RYR1: variants seen among roughly 807,000 people sequenced by gnomAD.
RYR1 encodes central core disease of muscle.
Under a neutral mutation model 583.5 loss-of-function variants are expected in RYR1, and 342 were observed. The observed-to-expected ratio is 0.59, with a 90% confidence interval of 0.54 to 0.64. The LOEUF is 0.64. Ranked by LOEUF, RYR1 falls within the 30% of genes least tolerant of loss-of-function variation. RYR1 has a pLI of 0.00. For missense variants in RYR1, 6,032 were observed against 6,917.2 expected (o/e 0.87, Z 4.54); for synonymous variants, 2,791 against 2,822.5 (o/e 0.99, Z 0.35).
rs748172098 is a variant in RYR1 at position 38,561,466 on chromosome 19, C to T, written c.12624+12C>T. On this transcript the variant is annotated intron_variant, in intron 90 of 105. Coordinates refer to ENST00000359596, the MANE Select transcript of RYR1 (RefSeq NM_000540.3). This position sits in a 1 kb window ranked among gnomAD's most constrained non-coding sequence, Gnocchi z 4.8. Reference sequence around the variant, plus strand: ...GGGAGATGCCCCAGGTCAGGGAACCCGCGCGCGTGCAAGCTCGCCTCCTGG... The same window carrying T: ...GGGAGATGCCCCAGGTCAGGGAACCTGCGCGCGTGCAAGCTCGCCTCCTGG... 2.0e-5 allele frequency: 32 copies of T among 1,600,800 alleles called. No homozygotes were observed. The highest frequency in any genetic ancestry group is 2.6e-5 in the Non-Finnish European group (31 of 1,175,940).
At chr19:38,477,052 A>G (rs1367860325) in intron 29 of RYR1, among the ~76,000 whole-genome samples, 6 of 151,986 alleles carry the variant, frequency 3.9e-5, no homozygotes, top group Admixed American at 3.9e-4. Flanking sequence ...AAATAAAAAA[A>G]TAAGGAAAGA....
At chr19:38,497,214 G>A (rs1241322349) in intron 42 of RYR1, among the ~76,000 whole-genome samples, 1 of 152,058 alleles carries the variant, frequency 6.6e-6, no homozygotes, top group Non-Finnish European at 1.5e-5. Context: ...CGGGATGGGG[G>A]CGGATCCGCA....
chr19:38,484,308 A>C (rs1312839651), intron 33 of RYR1, among the ~76,000 whole-genome samples: 1 of 151,834 alleles, frequency 6.6e-6, no homozygotes, highest in Non-Finnish European at 1.5e-5. Flanking sequence ...TAGAATTCTG[A>C]ACGTGGGAGG....
rs988659631 is a variant in RYR1, at chr19:38,565,086, C to T, written c.12752C>T (p.Ser4251Leu). 2 of 1,554,450 alleles carry T rather than the reference C, an allele frequency of 1.3e-6. No individual in the cohort carries two copies. Among genetic ancestry groups the T allele is most frequent in the Admixed American group, 1.9e-5 (1 of 51,898 alleles). ...IFEMQIAAQI[S>L]EPEGEPETDE... Reference sequence around the variant, plus strand: ...GAGATGCAGATCGCCGCGCAGATCTCGGAGCCCGAGGGCGAGCCGGAGACC... The same window carrying T: ...GAGATGCAGATCGCCGCGCAGATCTTGGAGCCCGAGGGCGAGCCGGAGACC... Residue 4251 changes from serine to leucine, a missense_variant, in exon 91 of 106, where the codon TCG becomes TTG. Around this residue, in one of 11 missense-constraint regions of RYR1, gnomAD observed 753 missense variants for 759.6 expected, o/e 0.99. Transcript: ENST00000359596. This position sits in a 1 kb window ranked among gnomAD's most constrained non-coding sequence, Gnocchi z 4.7.
Position 38,451,786 on chromosome 19 carries a change from A to G in RYR1, c.1145A>G (p.His382Arg). ...KKKAMLHQEGHMDDALSLTRC... is the reference protein window; with the variant it reads ...KKKAMLHQEGRMDDALSLTRC... ...TAGGCCATGCTGCACCAGGAGGGCC[A>G]CATGGACGACGCACTGTCGCTGACC... Residue 382 changes from histidine (H) to arginine (R), a missense_variant, in exon 12 of 106, where the codon CAC becomes CGC. Around this residue, in one of 11 missense-constraint regions of RYR1, gnomAD observed 338 missense variants for 441.6 expected, o/e 0.77. Coordinates refer to ENST00000359596, the MANE Select transcript of RYR1 (RefSeq NM_000540.3). 6.2e-7 allele frequency: 1 copy of G among 1,614,134 alleles called. No homozygotes were observed. Among genetic ancestry groups the G allele is most frequent in the Non-Finnish European group, 8.5e-7 (1 of 1,180,018 alleles).
chr19:38,580,268 G>A lies in RYR1; in HGVS notation c.14512-102G>A. 3.1e-6 allele frequency: 5 copies of A among 1,590,316 alleles called. 1 individual carries two copies. Among genetic ancestry groups the A allele is most frequent in the Non-Finnish European group, 4.3e-6 (5 of 1,169,056 alleles). On this transcript the variant is annotated intron_variant, in intron 100 of 105. Transcript: ENST00000359596. ...GAGCCGGGGGTGTGTGGGGCAGCAA[G>A]GTAGAGCCACAGGGACTGAACCGGG...
chr19:38,555,309 G>A (rs1442010072), intron 89 of RYR1, among the ~76,000 whole-genome samples: 5 of 151,882 alleles, frequency 3.3e-5, no homozygotes, highest in African/African-American at 7.3e-5. Flanking sequence ...AAAATTAGCC[G>A]AGTGTGGTGG....
intron 78 of RYR1, among the ~76,000 whole-genome samples, chr19:38,533,181 A>G (rs576097506): frequency 6.6e-6 from 1 of 152,310 alleles, no homozygotes; most frequent in East Asian, 1.9e-4. Context: ...GGAGCCTGCC[A>G]GTTGAAGAAA....
At chr19:38,509,046 G>T (rs1970606670) in intron 58 of RYR1, among the ~76,000 whole-genome samples, 1 of 131,980 alleles carries the variant, frequency 7.6e-6, no homozygotes, top group African/African-American at 3.1e-5. Context: ...GTTTCCCTTA[G>T]AGACCCCCCC....
In RYR1 at chr19:38,572,066, TG is replaced by T; in HGVS notation, c.13798del (p.Asp4600MetfsTer48). The T allele has an allele frequency of 6.2e-7, 1 of 1,614,100 alleles. No homozygotes were observed. Among genetic ancestry groups the T allele is most frequent in the Non-Finnish European group, 8.5e-7 (1 of 1,180,024 alleles). ...AGGACGACATGGAAGGCTCAGCTGCTGGGGATGTGTCAGGTGCAGGCTCTGG... is the reference window on the plus strand; with the variant it reads ...AGGACGACATGGAAGGCTCAGCTGCTGGGATGTGTCAGGTGCAGGCTCTGG... ...GEDDMEGSAA[G>X]DVSGAGSGGS... On this transcript the variant is annotated frameshift_variant, in exon 95 of 106. Transcript: ENST00000359596. LOFTEE classifies it high-confidence loss of function.
Position 38,570,667 on chromosome 19 carries a change from A to G in RYR1, c.13720A>G (p.Ile4574Val), listed in dbSNP as rs1458472157. 5.6e-6 allele frequency: 9 copies of G among 1,613,968 alleles called. No homozygotes were observed. The highest frequency in any genetic ancestry group is 7.6e-6 in the Non-Finnish European group (9 of 1,179,944). The change falls in exon 94 of 106, where the codon ATC (isoleucine) becomes GTC (valine). Residue 4574 changes from isoleucine (I) to valine (V), a missense_variant. Coordinates refer to ENST00000359596, the MANE Select transcript of RYR1 (RefSeq NM_000540.3). ...RFLALFLAFA[I>V]NFILLFYKVS... ...CCTTGCCCTCTTCTTGGCATTTGCC[A>G]TCAACTTCATCTTGCTGTTTTATAA...
intron 84 of RYR1, among the ~76,000 whole-genome samples, chr19:38,541,802 G>A (rs930448115): frequency 1.9e-4 from 29 of 152,160 alleles, no homozygotes; most frequent in African/African-American, 6.7e-4. Context: ...CAAGGGCAGG[G>A]GCTGGACATA....
rs1028200074 is a variant in RYR1, at chr19:38,455,044, A to G, written c.1441-191A>G. Among the ~76,000 whole-genome samples the G allele has an allele frequency of 2.6e-5, 4 of 152,270 alleles. 1 individual carries two copies. The highest frequency in any genetic ancestry group is 2.6e-4 in the Admixed American group (4 of 15,292). ...GGATAGAGTCAGAGAGGACAAGAAT[A>G]GATATGGGGAGCCAAGGAGGAGAGG... On this transcript the variant is annotated intron_variant, in intron 13 of 105. Coordinates refer to ENST00000359596, the MANE Select transcript of RYR1 (RefSeq NM_000540.3).
intron 42 of RYR1, among the ~76,000 whole-genome samples, chr19:38,498,579 A>G (rs1185616601): frequency 6.6e-6 from 1 of 152,216 alleles, no homozygotes; most frequent in Non-Finnish European, 1.5e-5. Context: ...AGCAGCCCCA[A>G]GGGCTGCTGG....
Position 38,505,849 on chromosome 19 carries a change from C to T in RYR1, c.8444C>T (p.Ala2815Val). 6.2e-7 allele frequency: 1 copy of T among 1,614,074 alleles called. No homozygotes were observed. ...TGGCCCATCAAGGAGTCCCTGAAGG[C>T]CATGATTGCCTGGGAATGGACGATA... ...YRWPIKESLK[A>V]MIAWEWTIEK... The change falls in exon 54 of 106, where the codon GCC becomes GTC. Residue 2815 changes from alanine (A) to valine (V), a missense_variant. Around this residue, in one of 11 missense-constraint regions of RYR1, gnomAD observed 1,493 missense variants for 1,715.5 expected, o/e 0.87. Transcript: ENST00000359596.
chr19:38,441,992 C>G (rs1972709921), intron 2 of RYR1, among the ~76,000 whole-genome samples: 1 of 151,604 alleles, frequency 6.6e-6, no homozygotes, highest in Non-Finnish European at 1.5e-5. Context: ...CAGGAGATTC[C>G]TGTCCTTGGA....
intron 48 of RYR1, 48 bp downstream of exon 48, chr19:38,502,775 AGGGGCAGGGGCAGGGG>A: frequency 1.8e-6 from 1 of 558,724 alleles, no homozygotes; most frequent in Non-Finnish European, 2.8e-6. Context: ...GGGCAGGGGC[AGGGGCAGGGGCAGGGG>A]CAGGGGCAGG....
intron 50 of RYR1, 109 bp downstream of exon 50, chr19:38,504,469 T>A: frequency 7.1e-7 from 1 of 1,400,280 alleles, no homozygotes; most frequent in Non-Finnish European, 9.7e-7. Flanking sequence ...GAGGAGAAGG[T>A]TCTGCAAGTT....
Position 38,500,638 on chromosome 19 carries a change from G to T in RYR1, c.7356G>T (p.Arg2452=). ...LIQAGKGEAL[R]IRAILRSLVP... ...AAGCCGGCAAGGGTGAGGCCCTGCG[G>T]ATCCGCGCCATCCTCCGCTCCCTTG... Residue 2452 remains arginine (R), a synonymous_variant, in exon 46 of 106, where the codon CGG becomes CGT. Transcript: ENST00000359596. The surrounding 1 kb of genome is among the most constrained non-coding windows in gnomAD (Gnocchi z 5.9). 1 of 1,613,678 alleles carries T rather than the reference G, an allele frequency of 6.2e-7. No individual in the cohort carries two copies. Among genetic ancestry groups the T allele is most frequent in the East Asian group, 2.2e-5 (1 of 44,882 alleles).
Sources: gnomAD v4.1 joint callset for allele counts (sites outside exome capture counted in the v4.1 genomes callset) on GRCh38, gnomAD v4.1.1 for gene constraint, gnomAD v4.1.1 regional missense constraint, Gnocchi (gnomAD v3.1) non-coding constraint, MANE v1.5 for transcripts, NCBI Gene and HGNC (gene_info 2026-07-23, HGNC 2026-07-21) for gene names.